Variants in RETREG1 observed in about 807,000 individuals in gnomAD.
RETREG1 encodes the protein family with sequence similarity 134 member B.
Under a neutral mutation model 54.8 loss-of-function variants are expected in RETREG1, and 44 were observed. The observed-to-expected ratio is 0.80, with a 90% CI of 0.63 to 1.03. The LOEUF (loss-of-function observed/expected upper bound fraction) is 1.03, where lower values mean the gene tolerates loss of function less well. Among genes scored for constraint, RETREG1 ranks in the 50% least tolerant of loss-of-function variants. The pLI is 0.00. For synonymous variants in RETREG1, 217 were observed against 238.5 expected (o/e 0.91, Z 0.83); for missense variants, 554 against 605.1 (o/e 0.92, Z 0.89).
chr5:16,590,801 C>CA (rs34422488), intron 1 of RETREG1, among the ~76,000 whole-genome samples: 9 of 150,644 alleles, frequency 6.0e-5, no homozygotes, highest in Non-Finnish European at 1.3e-4. Flanking sequence ...CAAACACACA[C>CA]AAAAAAACAC....
At chr5:16,584,897 C>T (rs1057372112) in intron 1 of RETREG1, among the ~76,000 whole-genome samples, 2 of 151,968 alleles carry the variant, frequency 1.3e-5, no homozygotes, top group Admixed American at 6.5e-5. Context: ...TTGGAAAGGA[C>T]GATCATCCGA....
intron 3 of RETREG1, among the ~76,000 whole-genome samples, chr5:16,542,748 G>C (rs1741284968): frequency 6.6e-6 from 1 of 152,214 alleles, no homozygotes; most frequent in Non-Finnish European, 1.5e-5. Flanking sequence ...ACAGTTCCAT[G>C]AAACTCCTAC....
At chr5:16,518,948 C>T (rs1740445386) in intron 3 of RETREG1, among the ~76,000 whole-genome samples, 1 of 152,106 alleles carries the variant, frequency 6.6e-6, no homozygotes, top group African/African-American at 2.4e-5. Flanking sequence ...ATGCACTTTG[C>T]CAAAGAGAAA....
chr5:16,578,798 G>T (rs916337557), intron 1 of RETREG1, among the ~76,000 whole-genome samples: 1 of 152,176 alleles, frequency 6.6e-6, no homozygotes, highest in Non-Finnish European at 1.5e-5. Flanking sequence ...GCTAGCTGCT[G>T]GGAAAACACT....
At chr5:16,549,665 C>A (rs1741478955) in intron 3 of RETREG1, among the ~76,000 whole-genome samples, 1 of 152,066 alleles carries the variant, frequency 6.6e-6, no homozygotes, top group South Asian at 2.1e-4. Flanking sequence ...CAAACTTAGC[C>A]CCAGGGGAAC....
intron 3 of RETREG1, among the ~76,000 whole-genome samples, chr5:16,493,090 CT>C (rs535105087): frequency 5.3e-5 from 8 of 150,712 alleles, no homozygotes; most frequent in African/African-American, 2.0e-4. Flanking sequence ...GGGGCTCTCC[CT>C]TTTTTTATAT....
At position 16,585,626 on chromosome 5, in the gene RETREG1, T is replaced by C. The variant is rs1161771329; in HGVS notation, c.321-13524A>G. Among the ~76,000 whole-genome samples, 4 of 152,182 alleles carry C rather than the reference T, an allele frequency of 2.6e-5. No individual in the cohort carries two copies. The highest frequency in any genetic ancestry group is 4.8e-5 in the African/African-American group (2 of 41,452). ...CCAGCTGAGCTAGGTACTAGGCCAT[T>C]CTTGCATTGCCCTAAAGAAATACCT... On this transcript the variant is annotated intron_variant, in intron 1 of 8. Transcript: ENST00000306320. This position sits in a 1 kb window ranked among gnomAD's most constrained non-coding sequence, Gnocchi z 4.5.
chr5:16,474,668 C>CAT lies in RETREG1; in HGVS notation c.*72_*73insAT. ...GCTTACAGTTCAATTTTTTTCTTTTCCTTTTTTTTTTTTTTTTCTTGTTTG... is the reference window on the plus strand; with the variant it reads ...GCTTACAGTTCAATTTTTTTCTTTTCATCTTTTTTTTTTTTTTTTCTTGTTTG... On this transcript the variant is annotated 3_prime_UTR_variant, in exon 9 of 9. Coordinates refer to ENST00000306320, the MANE Select transcript of RETREG1 (RefSeq NM_001034850.3). The CAT allele has an allele frequency of 7.8e-7, 1 of 1,283,244 alleles. No individual in the cohort carries two copies. The allele number at this position is 1,283,244 out of a possible 1,614,324, so 79.5% of individuals were successfully genotyped here. A position where few individuals can be genotyped will look rare whatever the true frequency, so the allele number is the denominator to read the frequency against.
At chr5:16,537,032 C>T (rs931397729) in intron 3 of RETREG1, among the ~76,000 whole-genome samples, 1 of 152,130 alleles carries the variant, frequency 6.6e-6, no homozygotes, top group Non-Finnish European at 1.5e-5. Context: ...TTCCCCTGAC[C>T]AGTCCATGCC....
intron 3 of RETREG1, among the ~76,000 whole-genome samples, chr5:16,538,921 G>T (rs1339362503): frequency 6.6e-6 from 1 of 152,164 alleles, no homozygotes; most frequent in Non-Finnish European, 1.5e-5. Context: ...AGCCAGGATG[G>T]TCTCGATCTC....
intron 3 of RETREG1, among the ~76,000 whole-genome samples, chr5:16,493,077 T>C (rs908590501): frequency 9.2e-5 from 14 of 152,012 alleles, no homozygotes; most frequent in African/African-American, 3.4e-4. Context: ...TAGTGTTCTA[T>C]TTGGGGCTCT....
intron 3 of RETREG1, among the ~76,000 whole-genome samples, chr5:16,517,819 C>T (rs1481861987): frequency 6.6e-6 from 1 of 152,114 alleles, no homozygotes; most frequent in African/African-American, 2.4e-5. Context: ...AAATCACACA[C>T]ACAAAATTTA....
At chr5:16,602,195 T>G (rs1743071671) in intron 1 of RETREG1, among the ~76,000 whole-genome samples, 2 of 152,096 alleles carry the variant, frequency 1.3e-5, no homozygotes, top group African/African-American at 4.8e-5. Flanking sequence ...GTGATAAATG[T>G]GAAGAAAACC....
At position 16,476,469 on chromosome 5, in the gene RETREG1, GA is replaced by G. The variant is rs546552758; in HGVS notation, c.1000+1192del. On this transcript the variant is annotated intron_variant, in intron 8 of 8. Coordinates refer to ENST00000306320, the MANE Select transcript of RETREG1 (RefSeq NM_001034850.3). ...TTTTGGACATAATTTGCATTATAAA[GA>G]ATACTGTGCTTTCCTGTTTTTAATT... Among the ~76,000 whole-genome samples the G allele has an allele frequency of 2.8e-3, 432 of 152,236 alleles. 2 individuals carry two copies. The highest frequency in any genetic ancestry group is 9.9e-3 in the African/African-American group (411 of 41,548).
chr5:16,593,845 C>A lies in RETREG1; in HGVS notation c.321-21743G>T, dbSNP rs935010420. Among the ~76,000 whole-genome samples the A allele has an allele frequency of 1.3e-5, 2 of 152,340 alleles. No individual in the cohort carries two copies. Among genetic ancestry groups the A allele is most frequent in the African/African-American group, 4.8e-5 (2 of 41,562 alleles). On this transcript the variant is annotated intron_variant, in intron 1 of 8. Coordinates refer to ENST00000306320, the MANE Select transcript of RETREG1 (RefSeq NM_001034850.3). The surrounding 1 kb of genome is among the most constrained non-coding windows in gnomAD (Gnocchi z 4.9). ...TGTGTCCCTATCACCAGAGGAGCTG[C>A]AGCAGATGCACCTCCGTCAAATCTA...
intron 3 of RETREG1, among the ~76,000 whole-genome samples, chr5:16,547,211 C>G (rs187685800): frequency 6.6e-6 from 1 of 152,196 alleles, no homozygotes; most frequent in South Asian, 2.1e-4. Flanking sequence ...TTGTCAGAGA[C>G]CGACAGGGTG....
chr5:16,504,062 C>T (rs1043298475), intron 3 of RETREG1, among the ~76,000 whole-genome samples: 2 of 152,196 alleles, frequency 1.3e-5, no homozygotes, highest in African/African-American at 4.8e-5. Flanking sequence ...TCCCCCCAAC[C>T]CATCCCCAAC....
intron 1 of RETREG1, among the ~76,000 whole-genome samples, chr5:16,600,345 C>T (rs547720100): frequency 6.6e-6 from 1 of 152,286 alleles, no homozygotes; most frequent in South Asian, 2.1e-4. Flanking sequence ...ATCTTACTAC[C>T]CACCCAGCAA....
At chr5:16,488,637 T>C (rs114027457) in intron 3 of RETREG1, among the ~76,000 whole-genome samples, 1 of 152,080 alleles carries the variant, frequency 6.6e-6, no homozygotes, top group Admixed American at 6.5e-5. Flanking sequence ...GAAGGAACAG[T>C]GTCTTTGGCC....
Sources: allele counts gnomAD v4.1 joint callset (sites outside exome capture counted in the v4.1 genomes callset), GRCh38; gene constraint gnomAD v4.1.1; non-coding constraint Gnocchi (gnomAD v3.1); transcripts MANE v1.5; gene names NCBI Gene and HGNC (gene_info 2026-07-23, HGNC 2026-07-21).